VPS37D: variants seen among roughly 807,000 people sequenced by gnomAD.
VPS37D encodes the protein vacuolar protein sorting-associated protein 37D.
Under a neutral mutation model 22.0 loss-of-function variants are expected in VPS37D, and 5 were observed. The ratio of observed to expected loss-of-function variants is 0.23; its 90% CI spans 0.12 to 0.48. VPS37D has a LOEUF of 0.48. VPS37D is among the 20% of genes least tolerant of loss of function. VPS37D has a pLI of 0.99. For missense variants in VPS37D, 384 were observed against 345.8 expected (o/e 1.11, Z -0.88); for synonymous variants, 174 against 159.3 (o/e 1.09, Z -0.69).
At chr7:73,668,211 C>A in intron 1 of VPS37D, 115 bp downstream of exon 1, 1 of 618,776 alleles carries the variant, frequency 1.6e-6, no homozygotes, top group Non-Finnish European at 2.1e-6. Context: ...GGGCGCGGAG[C>A]CTGGCACGTA....
chr7:73,670,487 C>T lies in VPS37D; in HGVS notation c.393+385C>T, dbSNP rs1254951192. On this transcript the variant is annotated intron_variant, in intron 3 of 3. Transcript: ENST00000324941. ...CTCTGCTCCTGCCTCATCTCTGATC[C>T]AGCAGGTCTGGTGATGGCATCCTTA... Among the ~76,000 whole-genome samples the T allele has an allele frequency of 2.0e-5, 3 of 152,184 alleles. No homozygotes were observed. In the East Asian group the frequency reaches 5.8e-4, roughly 29 times the overall value.
intron 1 of VPS37D, among the ~76,000 whole-genome samples, 195 bp downstream of exon 1, chr7:73,668,291 C>T (rs949257485): frequency 1.3e-5 from 2 of 150,610 alleles, no homozygotes; most frequent in Non-Finnish European, 3.0e-5. Context: ...GGTGGGGCGC[C>T]GGGGACCCGA....
chr7:73,665,443 C>T (rs1380018412), upstream of VPS37D, among the ~76,000 whole-genome samples: 1 of 151,922 alleles, frequency 6.6e-6, no homozygotes, highest in East Asian at 1.9e-4. Flanking sequence ...AAGGGAATAA[C>T]CCCCTAGCCT....
Position 73,667,977 on chromosome 7 carries a change from G to T in VPS37D, c.19G>T (p.Ala7Ser). The T allele has an allele frequency of 9.3e-7, 1 of 1,079,114 alleles. No individual in the cohort carries two copies. Among genetic ancestry groups the T allele is most frequent in the Non-Finnish European group, 1.1e-6 (1 of 889,654 alleles). The allele number at this position is 1,079,114 out of a possible 1,614,324, so 66.8% of individuals were successfully genotyped here. A position where few individuals can be genotyped will look rare whatever the true frequency, so the allele number is the denominator to read the frequency against. The stretch of plus-strand genomic sequence containing the variant: ...GGGCGGCATGTACCGGGCCCGGGCG[G>T]CGCGGGCGGGGCCGGAGCCCGGCAG... MYRARAARAGPEPGSPG... is the reference protein window; with the variant it reads MYRARASRAGPEPGSPG... Residue 7 changes from alanine to serine, a missense_variant, in exon 1 of 4, where the codon GCG (alanine) becomes TCG (serine). Physicochemically the swap from Ala to Ser is moderately conservative, Grantham distance 99. Coordinates refer to ENST00000324941, the MANE Select transcript of VPS37D (RefSeq NM_001077621.2).
intron 2 of VPS37D, 54 bp from the exon 3 acceptor site, chr7:73,669,966 G>T: frequency 6.4e-7 from 1 of 1,551,096 alleles, no homozygotes; most frequent in East Asian, 2.4e-5. Flanking sequence ...CAGCGGGAGA[G>T]TGCAAGCCCG....
At chr7:73,665,507 G>A (rs546117433), upstream of VPS37D, among the ~76,000 whole-genome samples, 9 of 152,202 alleles carry the variant, frequency 5.9e-5, no homozygotes, top group African/African-American at 1.9e-4. Context: ...GAGTCTTGAA[G>A]GGGAAAGCCA....
rs1797527581 is a variant in VPS37D, at chr7:73,671,911, C to G, written c.*535C>G. The G allele has an allele frequency of 1.3e-5, 2 of 152,380 alleles. No homozygotes were observed. The highest frequency in any genetic ancestry group is 2.9e-5 in the Non-Finnish European group (2 of 68,172). The allele number at this position is 152,380 out of a possible 1,614,324, so 9.4% of individuals were successfully genotyped here. On this transcript the variant is annotated 3_prime_UTR_variant, in exon 4 of 4. Transcript: ENST00000324941. Reference sequence around the variant, plus strand: ...GGGCTACTACGTGTCCACACATGCTCCAGACCCTGGGGCAAGGTAGGCCAG... The same window carrying G: ...GGGCTACTACGTGTCCACACATGCTGCAGACCCTGGGGCAAGGTAGGCCAG...
chr7:73,671,284 G>T lies in VPS37D; in HGVS notation c.664G>T (p.Val222Leu). 2.1e-6 allele frequency: 3 copies of T among 1,441,240 alleles called. No individual in the cohort carries two copies. The highest frequency in any genetic ancestry group is 2.7e-6 in the Non-Finnish European group (3 of 1,101,034). 89.3% of individuals were successfully genotyped at this position (1,441,240 alleles called of 1,614,324 possible). A position where few individuals can be genotyped will look rare whatever the true frequency, so the allele number is the denominator to read the frequency against. ...RSLPPLDSRP[V>L]PPLKGSPGCP... The stretch of plus-strand genomic sequence containing the variant: ...CCTGCCCCCCTTGGACTCCCGCCCA[G>T]TGCCCCCACTGAAGGGCTCCCCCGG... The change falls in exon 4 of 4, where the codon GTG (valine) becomes TTG (leucine). Residue 222 changes from valine (V) to leucine (L), a missense_variant. Coordinates refer to ENST00000324941, the MANE Select transcript of VPS37D (RefSeq NM_001077621.2).
Position 73,667,872 on chromosome 7 carries a change from C to T in VPS37D, c.-87C>T, listed in dbSNP as rs1362772458. ...CCGGAGCCGGAGCGGATCCTGGAGC[C>T]GGAGCGGAGCGGAGCGGAGCGGAGC... On this transcript the variant is annotated 5_prime_UTR_variant, in exon 1 of 4. Transcript: ENST00000324941. 1.6e-5 allele frequency: 5 copies of T among 313,988 alleles called. No individual in the cohort carries two copies. The highest frequency in any genetic ancestry group is 2.3e-5 in the Non-Finnish European group (5 of 217,938). 19.5% of individuals were successfully genotyped at this position (313,988 alleles called of 1,614,324 possible).
At position 73,671,721 on chromosome 7, in the gene VPS37D, G is replaced by C. The variant is rs1258966328; in HGVS notation, c.*345G>C. ...GGGTCCCCTAGGGGCCTTGCCAAGG[G>C]GACCTGTCGCACCCCACCACTCCAC... is the stretch of plus-strand genomic sequence containing the variant. On this transcript the variant is annotated 3_prime_UTR_variant, in exon 4 of 4. Coordinates refer to ENST00000324941, the MANE Select transcript of VPS37D (RefSeq NM_001077621.2). 6.4e-6 allele frequency: 1 copy of C among 155,696 alleles called. No individual in the cohort carries two copies. The highest frequency in any genetic ancestry group is 2.4e-5 in the African/African-American group (1 of 41,550). 9.6% of individuals were successfully genotyped at this position (155,696 alleles called of 1,614,324 possible).
intron 1 of VPS37D, 92 bp downstream of exon 1, chr7:73,668,188 C>T (rs1322832348): frequency 1.2e-4 from 93 of 789,944 alleles, no homozygotes; most frequent in Non-Finnish European, 1.3e-4. Context: ...GGCCGGGCCG[C>T]GGGGCCGCCC....
In VPS37D at chr7:73,671,562, G is replaced by A. The variant is rs1404026340; in HGVS notation, c.*186G>A. ...AGAGGCCCGAGAGGGGGCTGGGGGTGGGTGGGCAGGGCTTTATGCCTCTGG... is the reference window on the plus strand; with the variant it reads ...AGAGGCCCGAGAGGGGGCTGGGGGTAGGTGGGCAGGGCTTTATGCCTCTGG... On this transcript the variant is annotated 3_prime_UTR_variant, in exon 4 of 4. Coordinates refer to ENST00000324941, the MANE Select transcript of VPS37D (RefSeq NM_001077621.2). The A allele has an allele frequency of 9.0e-6, 3 of 335,096 alleles. 1 individual carries two copies. The Admixed American group carries it at 1.4e-4, about 16-fold the overall frequency. 20.8% of individuals were successfully genotyped at this position (335,096 alleles called of 1,614,324 possible).
At position 73,669,441 on chromosome 7, in the gene VPS37D, G is replaced by T. The variant is rs868926525; in HGVS notation, c.161G>T (p.Arg54Leu). 5.1e-6 allele frequency: 8 copies of T among 1,569,160 alleles called. No homozygotes were observed. Among genetic ancestry groups the T allele is most frequent in the Non-Finnish European group, 6.0e-6 (7 of 1,157,856 alleles). ...SRKFQGLQLE[R>L]EACLASNYAL... is the part of the protein sequence containing the mutation. The stretch of plus-strand genomic sequence containing the variant: ...CAGTTCCAGGGCCTGCAGCTGGAGC[G>T]TGAGGCCTGCCTGGCCTCCAACTAC... Residue 54 changes from arginine (R) to leucine (L), a missense_variant, in exon 2 of 4, where the codon CGT becomes CTT. Physicochemically the swap from Arg to Leu is moderately radical, Grantham distance 102. Coordinates refer to ENST00000324941, the MANE Select transcript of VPS37D (RefSeq NM_001077621.2).
intron 3 of VPS37D, among the ~76,000 whole-genome samples, chr7:73,670,573 C>T (rs1321212558): frequency 2.0e-5 from 3 of 152,084 alleles, no homozygotes; most frequent in Non-Finnish European, 4.4e-5. Context: ...TTTGGGAGAC[C>T]GAGGCGGGCG....
chr7:73,667,550 T>C (rs957526161), upstream of VPS37D, among the ~76,000 whole-genome samples: 2 of 152,244 alleles, frequency 1.3e-5, no homozygotes, highest in East Asian at 1.9e-4. Flanking sequence ...GTTGTTGCCA[T>C]CCGAGGGGAA....
At chr7:73,669,375 G>C in intron 1 of VPS37D, 44 bp from the exon 2 acceptor site, 1 of 1,511,920 alleles carries the variant, frequency 6.6e-7, no homozygotes, top group Non-Finnish European at 8.9e-7. Context: ...GGGTGGACAG[G>C]GCAGATCCCC....
chr7:73,668,038 TC>T lies in VPS37D; in HGVS notation c.82del (p.Arg28GlyfsTer96). The T allele has an allele frequency of 8.6e-7, 1 of 1,162,162 alleles. No homozygotes were observed. Among genetic ancestry groups the T allele is most frequent in the Non-Finnish European group, 1.1e-6 (1 of 932,822 alleles). The allele number at this position is 1,162,162 out of a possible 1,614,324, so 72.0% of individuals were successfully genotyped here. ...TTTGGGATCCTCAGCACCGGGCAGCTCCGGGACCTGCTTCAGGATGAGCCCA... is the reference window on the plus strand; with the variant it reads ...TTTGGGATCCTCAGCACCGGGCAGCTCGGGACCTGCTTCAGGATGAGCCCA... ...GRFGILSTGQ[L>X]RDLLQDEPKL... On this transcript the variant is annotated frameshift_variant, in exon 1 of 4. Transcript: ENST00000324941. LOFTEE classifies it high-confidence loss of function.
intron 3 of VPS37D, 74 bp downstream of exon 3, chr7:73,670,176 C>T: frequency 1.9e-6 from 3 of 1,546,206 alleles, no homozygotes; most frequent in Non-Finnish European, 2.6e-6. Flanking sequence ...CTCATTCTTA[C>T]ACCTCAGGCT....
chr7:73,667,658 G>C (rs1376225763), upstream of VPS37D, among the ~76,000 whole-genome samples: 2 of 152,090 alleles, frequency 1.3e-5, no homozygotes, highest in Non-Finnish European at 2.9e-5. Flanking sequence ...GCAGAGCAGG[G>C]CGGCTCAGAT....
Sources: allele counts gnomAD v4.1 joint callset (sites outside exome capture counted in the v4.1 genomes callset), GRCh38; gene constraint gnomAD v4.1.1; transcripts MANE v1.5; gene names NCBI Gene and HGNC (gene_info 2026-07-23, HGNC 2026-07-21).